Variants in NEK6 observed in about 807,000 individuals in gnomAD.
NEK6 encodes NIMA related kinase 6.
NEK6 carries 27 observed loss-of-function variants against 43.5 expected under a neutral mutation model. That is an observed-to-expected ratio of 0.62 (90% CI 0.46 to 0.86). The LOEUF (loss-of-function observed/expected upper bound fraction) is 0.86, where lower values mean the gene tolerates loss of function less well. Among genes scored for constraint, NEK6 ranks in the 40% least tolerant of loss-of-function variants. NEK6 has a pLI of 0.00. For missense variants in NEK6, 318 were observed against 414.4 expected (o/e 0.77, Z 2.02); for synonymous variants, 167 against 164.1 (o/e 1.02, Z -0.14).
At chr9:124,291,918 C>T (rs1452258221) in intron 1 of NEK6, 1 of 985,548 alleles carries the variant, frequency 1.0e-6, no homozygotes, top group Non-Finnish European at 1.2e-6. Context: ...TGTCTGGGGA[C>T]CGGAGTCTTG....
At chr9:124,347,534 G>T (rs1830000094) in intron 8 of NEK6, among the ~76,000 whole-genome samples, 175 bp from the exon 9 acceptor site, 1 of 152,222 alleles carries the variant, frequency 6.6e-6, no homozygotes, top group African/African-American at 2.4e-5. Flanking sequence ...TGTTGCGCCT[G>T]CTCCTCTGTT....
At chr9:124,297,864 T>G (rs975387949) in intron 1 of NEK6, among the ~76,000 whole-genome samples, 1 of 152,226 alleles carries the variant, frequency 6.6e-6, no homozygotes, top group African/African-American at 2.4e-5. Context: ...CCCCTTTGCC[T>G]TGGCCTTTCT....
rs1259437271 is a variant in NEK6 at position 124,275,899 on chromosome 9, G to A, written c.-30+17814G>A. On this transcript the variant is annotated intron_variant, in intron 1 of 9. Coordinates refer to ENST00000320246, the MANE Select transcript of NEK6 (RefSeq NM_014397.6). This position sits in a 1 kb window ranked among gnomAD's most constrained non-coding sequence, Gnocchi z 4.4. ...TTTCTGGGGACAGATAGGTCAGCGG[G>A]ACGGATGGAACCAGCTCTGTGACTC... 1.3e-5 allele frequency among the ~76,000 whole-genome samples: 2 copies of A among 152,248 alleles called. No homozygotes were observed. Among genetic ancestry groups the A allele is most frequent in the African/African-American group, 4.8e-5 (2 of 41,468 alleles).
intron 8 of NEK6, among the ~76,000 whole-genome samples, chr9:124,339,893 G>T (rs905947735): frequency 1.9e-4 from 17 of 91,334 alleles, no homozygotes; most frequent in African/African-American, 6.3e-4. Context: ...AGCAGTGGGC[G>T]GGGTCCAGGA....
intron 1 of NEK6, among the ~76,000 whole-genome samples, chr9:124,276,577 A>G (rs763423253): frequency 5.9e-5 from 9 of 152,230 alleles, no homozygotes; most frequent in South Asian, 2.1e-4. Flanking sequence ...GTGGTTGTCT[A>G]TGTGTGGCTG....
At chr9:124,276,397 T>C (rs1194295393) in intron 1 of NEK6, among the ~76,000 whole-genome samples, 3 of 152,120 alleles carry the variant, frequency 2.0e-5, no homozygotes, top group Admixed American at 2.0e-4. Flanking sequence ...CCCTGGCCCT[T>C]CATACCTGGA....
In NEK6 at chr9:124,337,896, G is replaced by A. The variant is rs79090669; in HGVS notation, c.623-1675G>A. On this transcript the variant is annotated intron_variant, in intron 7 of 9. Transcript: ENST00000320246. Reference sequence around the variant, plus strand: ...CATTCCAGGTGCTCCACACATCATCGACCTTGTTTTTCTTTAACTTTGGTT... The same window carrying A: ...CATTCCAGGTGCTCCACACATCATCAACCTTGTTTTTCTTTAACTTTGGTT... 5.3e-5 allele frequency among the ~76,000 whole-genome samples: 8 copies of A among 152,286 alleles called. No individual in the cohort carries two copies. In the East Asian group the frequency reaches 1.2e-3, roughly 22 times the overall value.
intron 1 of NEK6, among the ~76,000 whole-genome samples, chr9:124,264,713 C>A (rs1341091585): frequency 6.6e-6 from 1 of 150,956 alleles, no homozygotes; most frequent in African/African-American, 2.4e-5. Context: ...GCCTGAGGAG[C>A]CTGAGGCGTG....
intron 1 of NEK6, among the ~76,000 whole-genome samples, chr9:124,270,836 C>G (rs1485945144): frequency 6.6e-6 from 1 of 152,240 alleles, no homozygotes; most frequent in East Asian, 1.9e-4. Flanking sequence ...AACACAGATT[C>G]AAAGATGACA....
rs866419543 is a variant in NEK6 at position 124,292,950 on chromosome 9, A to G, written c.-29-8986A>G. On this transcript the variant is annotated intron_variant, in intron 1 of 9. Transcript: ENST00000320246. ...AGGCTGCCTGGAGGAGATGCCCAGGAGAGAAGTTTGCTGGGAGGCAGCTCA... is the reference window on the plus strand; with the variant it reads ...AGGCTGCCTGGAGGAGATGCCCAGGGGAGAAGTTTGCTGGGAGGCAGCTCA... 3.8e-6 allele frequency: 6 copies of G among 1,571,750 alleles called. No homozygotes were observed. In the Middle Eastern group the frequency reaches 6.7e-4, roughly 175 times the overall value.
chr9:124,261,528 C>T, intron 1 of NEK6: 1 of 985,476 alleles, frequency 1.0e-6, no homozygotes. Context: ...CCCCTGATGT[C>T]ACCTTCACGG....
intron 1 of NEK6, among the ~76,000 whole-genome samples, chr9:124,287,467 A>G (rs1832217371): frequency 6.6e-6 from 1 of 152,138 alleles, no homozygotes; most frequent in Admixed American, 6.5e-5. Context: ...CACTCTTCCC[A>G]CCTTTCAAGG....
intron 1 of NEK6, among the ~76,000 whole-genome samples, chr9:124,266,202 C>T (rs556296020): frequency 1.3e-5 from 2 of 152,238 alleles, no homozygotes; most frequent in East Asian, 3.9e-4. Context: ...GGCCTTTGCT[C>T]CTGTCGGTAG....
chr9:124,264,995 A>G (rs961503436), intron 1 of NEK6, among the ~76,000 whole-genome samples: 2 of 152,112 alleles, frequency 1.3e-5, no homozygotes, highest in African/African-American at 4.8e-5. Flanking sequence ...TTTAAGATAC[A>G]TGAAGTAGCC....
intron 1 of NEK6, among the ~76,000 whole-genome samples, chr9:124,285,138 C>T (rs1002871554): frequency 1.3e-5 from 2 of 152,194 alleles, no homozygotes; most frequent in Admixed American, 6.5e-5. Context: ...GGGTCAGAAC[C>T]GTATTCCCTC....
chr9:124,312,278 G>A (rs1366990408), intron 2 of NEK6, among the ~76,000 whole-genome samples: 1 of 152,204 alleles, frequency 6.6e-6, no homozygotes, highest in Non-Finnish European at 1.5e-5. Flanking sequence ...GCAGTGGGGA[G>A]CATGAACAGC....
chr9:124,263,304 G>A (rs1188820505), intron 1 of NEK6, among the ~76,000 whole-genome samples: 2 of 152,250 alleles, frequency 1.3e-5, no homozygotes, highest in East Asian at 3.9e-4. Context: ...TCTGTTTCAC[G>A]GAACAGAACC....
At chr9:124,281,661 C>T (rs999419772) in intron 1 of NEK6, among the ~76,000 whole-genome samples, 2 of 151,906 alleles carry the variant, frequency 1.3e-5, no homozygotes, top group Non-Finnish European at 1.5e-5. Context: ...CCACCACACC[C>T]AGCTAATTTT....
chr9:124,327,843 G>A (rs749355), intron 7 of NEK6, among the ~76,000 whole-genome samples: 19,106 of 152,172 alleles, frequency 0.13, 1,717 homozygotes, highest in East Asian at 0.45. Context: ...TTAAACTGGC[G>A]GTTTTGAGGC....
Sources: allele counts gnomAD v4.1 joint callset (sites outside exome capture counted in the v4.1 genomes callset), GRCh38; gene constraint gnomAD v4.1.1; non-coding constraint Gnocchi (gnomAD v3.1); transcripts MANE v1.5; gene names NCBI Gene and HGNC (gene_info 2026-07-23, HGNC 2026-07-21).